TENM1: variants seen among roughly 807,000 people sequenced by gnomAD.
TENM1 encodes the protein teneurin-1.
A neutral mutation model predicts 174.8 loss-of-function variants in TENM1; 35 were observed. The observed-to-expected ratio is 0.20, with a 90% CI of 0.15 to 0.27. The LOEUF (loss-of-function observed/expected upper bound fraction) is 0.27. Among genes scored for constraint, TENM1 ranks in the 10% least tolerant of loss-of-function variants. The pLI is 1.00. For missense variants in TENM1, 1,633 were observed against 2,130.1 expected, an observed-to-expected ratio of 0.77 and a Z score of 4.59; for synonymous variants, 781 against 798.7, an observed-to-expected ratio of 0.98 and a Z score of 0.37.
chrX:125,056,168 C>A, the TENM1 span, among the ~76,000 whole-genome samples: 2 of 110,474 alleles, frequency 1.8e-5, no homozygotes, highest in Admixed American at 9.7e-5. Flanking sequence ...TTATTGTTCT[C>A]TTCATCAATA....
intron 1 of TENM1, among the ~76,000 whole-genome samples, chrX:124,947,836 C>A (rs148225619): frequency 3.1e-4 from 35 of 111,704 alleles, no homozygotes; most frequent in African/African-American, 1.1e-3. Context: ...TTTTTATGAG[C>A]TACCAATTCT....
the TENM1 span, among the ~76,000 whole-genome samples, chrX:125,178,375 T>C: frequency 6.3e-5 from 7 of 111,502 alleles, no homozygotes; most frequent in Non-Finnish European, 1.1e-4. Context: ...TTTAATCCTT[T>C]TTGTTTAGTA....
At chrX:124,900,311 C>A (rs2057637138) in intron 1 of TENM1, among the ~76,000 whole-genome samples, 1 of 111,589 alleles carries the variant, frequency 9.0e-6, no homozygotes, top group African/African-American at 3.3e-5. Flanking sequence ...TGGTATGCTT[C>A]CATTTATATA....
chrX:125,011,484 G>T, the TENM1 span, among the ~76,000 whole-genome samples: 2 of 111,484 alleles, frequency 1.8e-5, no homozygotes, highest in East Asian at 5.7e-4. Context: ...AAACAAATTT[G>T]CCAGAAGAAA....
chrX:124,979,092 A>G, the TENM1 span, among the ~76,000 whole-genome samples: 1 of 112,639 alleles, frequency 8.9e-6, no homozygotes, highest in African/African-American at 3.2e-5. Context: ...TGCAGCTACA[A>G]TTCTTACAGC....
At chrX:124,456,413 G>A (rs1206919780) in intron 22 of TENM1, among the ~76,000 whole-genome samples, 1 of 111,734 alleles carries the variant, frequency 8.9e-6, no homozygotes, top group Non-Finnish European at 1.9e-5. Flanking sequence ...CCTCTCATTT[G>A]CCTTCCCTTA....
Position 124,529,860 on chromosome X carries a change from A to C in TENM1, c.2771+4T>G, listed in dbSNP as rs1302876947. ...CACAATGATCAGAAACAACATTGAC[A>C]TACCTTCCATCTTGCCGGCTGATGG... On this transcript the variant is annotated splice_donor_region_variant and intron_variant, in intron 16 of 31. Transcript: ENST00000422452. 1 of 1,211,207 alleles carries C rather than the reference A, an allele frequency of 8.3e-7. No homozygotes were observed.
At chrX:125,066,586 G>C in the TENM1 span, among the ~76,000 whole-genome samples, 11 of 111,619 alleles carry the variant, frequency 9.9e-5, no homozygotes, top group Admixed American at 8.6e-4. Flanking sequence ...AAAGGAGGCA[G>C]TCAGTTGAAA....
chrX:124,518,295 A>C (rs1395141299), intron 18 of TENM1, among the ~76,000 whole-genome samples: 1 of 110,189 alleles, frequency 9.1e-6, no homozygotes, highest in Non-Finnish European at 1.9e-5. Context: ...TGACCAAATC[A>C]AGTGGGAAGT....
chrX:125,197,143 T>C, the TENM1 span, among the ~76,000 whole-genome samples: 1 of 111,842 alleles, frequency 8.9e-6, no homozygotes, highest in Non-Finnish European at 1.9e-5. Context: ...TGCAAACTGA[T>C]AGCCACGTAC....
chrX:125,177,122 A>G, the TENM1 span, among the ~76,000 whole-genome samples: 1 of 112,227 alleles, frequency 8.9e-6, no homozygotes, highest in Non-Finnish European at 1.9e-5. Flanking sequence ...CATACACCTA[A>G]AGGTTTACAT....
At chrX:125,140,180 C>T in the TENM1 span, among the ~76,000 whole-genome samples, 2 of 111,437 alleles carry the variant, frequency 1.8e-5, no homozygotes, top group Admixed American at 9.6e-5. Flanking sequence ...CCATGTCTAA[C>T]GCGACTGTGC....
chrX:124,585,856 T>C (rs756546643), intron 11 of TENM1, among the ~76,000 whole-genome samples: 32 of 110,328 alleles, frequency 2.9e-4, no homozygotes, highest in Non-Finnish European at 5.7e-4. Flanking sequence ...AAACGGGATA[T>C]CACCACCGAT....
At chrX:124,426,728 A>C (rs2147766035) in intron 23 of TENM1, among the ~76,000 whole-genome samples, 1 of 112,103 alleles carries the variant, frequency 8.9e-6, no homozygotes, top group South Asian at 3.8e-4. Context: ...CTGTGCAGCT[A>C]GGAATTTGAG....
chrX:124,664,618 T>A (rs1161766278), intron 6 of TENM1, among the ~76,000 whole-genome samples: 2 of 89,030 alleles, frequency 2.2e-5, no homozygotes, highest in Non-Finnish European at 4.3e-5. Flanking sequence ...CAATGAAAGG[T>A]GGCTGTAAAC....
chrX:124,844,432 C>T (rs2056567433), intron 3 of TENM1, among the ~76,000 whole-genome samples: 1 of 111,399 alleles, frequency 9.0e-6, no homozygotes, highest in Admixed American at 9.5e-5. Flanking sequence ...AGAGGAAGTT[C>T]CCCTTCCGTA....
At chrX:124,563,985 ACT>A (rs1308833026) in intron 12 of TENM1, among the ~76,000 whole-genome samples, 1 of 111,711 alleles carries the variant, frequency 9.0e-6, no homozygotes, top group Non-Finnish European at 1.9e-5. Context: ...TCTGCAAGAA[ACT>A]CTATTAGGCT....
chrX:124,757,547 A>T (rs2054293612), intron 3 of TENM1, among the ~76,000 whole-genome samples: 1 of 112,214 alleles, frequency 8.9e-6, no homozygotes, highest in Admixed American at 9.4e-5. Flanking sequence ...TGAACCCGGT[A>T]CCTCTGATGG....
intron 3 of TENM1, among the ~76,000 whole-genome samples, chrX:124,878,749 A>T (rs1271213007): frequency 1.5e-4 from 17 of 111,432 alleles, no homozygotes; most frequent in Admixed American, 9.5e-5. Flanking sequence ...AAAAACAGAC[A>T]CACAGACAAA....
Sources: allele counts gnomAD v4.1 joint callset (sites outside exome capture counted in the v4.1 genomes callset), GRCh38; gene constraint gnomAD v4.1.1; transcripts MANE v1.5; gene names NCBI Gene and HGNC (gene_info 2026-07-23, HGNC 2026-07-21).